The following ZNF385B variants were observed in gnomAD, a reference collection of about 807,000 sequenced individuals.
The protein encoded by ZNF385B is zinc finger protein 533.
A neutral mutation model predicts 39.2 loss-of-function variants in ZNF385B; 23 were observed. That is an observed-to-expected ratio of 0.59 (90% CI 0.42 to 0.83). The LOEUF is 0.83. Ranked by LOEUF, ZNF385B falls within the 40% of genes least tolerant of loss-of-function variation. The pLI is 0.00. For missense variants in ZNF385B, 552 were observed against 598.9 expected, an observed-to-expected ratio of 0.92 and a Z score of 0.82; for synonymous variants, 205 against 222.6, an observed-to-expected ratio of 0.92 and a Z score of 0.70.
At chr2:179,653,914 A>G (rs1244359538) in intron 3 of ZNF385B, among the ~76,000 whole-genome samples, 1 of 152,218 alleles carries the variant, frequency 6.6e-6, no homozygotes, top group Non-Finnish European at 1.5e-5. Context: ...ATGTTTCTCC[A>G]AATTATTTTG....
At chr2:179,731,999 G>A (rs910039064) in intron 3 of ZNF385B, among the ~76,000 whole-genome samples, 1 of 152,160 alleles carries the variant, frequency 6.6e-6, no homozygotes, top group Non-Finnish European at 1.5e-5. Flanking sequence ...TGTAAAGAAA[G>A]AATGCCTAGC....
rs764664744 is a variant in ZNF385B, at chr2:179,518,651, T to C, written c.442-13A>G. The C allele has an allele frequency of 1.3e-6, 2 of 1,520,386 alleles. No individual in the cohort carries two copies. Among genetic ancestry groups the C allele is most frequent in the Admixed American group, 2.2e-5 (1 of 46,276 alleles). The allele number at this position is 1,520,386 out of a possible 1,614,324, so 94.2% of individuals were successfully genotyped here. On this transcript the variant is annotated splice_polypyrimidine_tract_variant and intron_variant, in intron 4 of 9. Transcript: ENST00000410066. ...GCACAGGATCCATCTGAAGAACAAA[T>C]GAAAAAATAGTCAATTTGTAACTTC...
chr2:179,596,096 A>T (rs945041959), intron 3 of ZNF385B, among the ~76,000 whole-genome samples: 6 of 152,190 alleles, frequency 3.9e-5, no homozygotes, highest in African/African-American at 1.4e-4. Flanking sequence ...TTGCTGCATA[A>T]CAAATTACTC....
At chr2:179,449,421 A>G (rs553360742) in intron 6 of ZNF385B, among the ~76,000 whole-genome samples, 1 of 152,282 alleles carries the variant, frequency 6.6e-6, no homozygotes, top group South Asian at 2.1e-4. Flanking sequence ...TACAAAATCA[A>G]TGTGCAAAAA....
chr2:179,519,192 T>C (rs2058311241), intron 4 of ZNF385B, among the ~76,000 whole-genome samples: 2 of 152,220 alleles, frequency 1.3e-5, no homozygotes, highest in Non-Finnish European at 2.9e-5. Context: ...ATACTTAAGA[T>C]GGCCTCAAAT....
chr2:179,544,455 T>A (rs911873215), intron 4 of ZNF385B, among the ~76,000 whole-genome samples: 1 of 152,126 alleles, frequency 6.6e-6, no homozygotes, highest in Non-Finnish European at 1.5e-5. Flanking sequence ...AGTCATTTTT[T>A]TTTTTCTAAG....
intron 6 of ZNF385B, among the ~76,000 whole-genome samples, chr2:179,449,872 C>G (rs1265658556): frequency 6.6e-6 from 1 of 151,882 alleles, no homozygotes; most frequent in Non-Finnish European, 1.5e-5. Context: ...CTACAGTAAC[C>G]AAAACAGCAT....
intron 1 of ZNF385B, among the ~76,000 whole-genome samples, chr2:179,836,079 G>A (rs779702127): frequency 6.6e-6 from 1 of 152,190 alleles, no homozygotes; most frequent in Non-Finnish European, 1.5e-5. Flanking sequence ...AGGATATCAA[G>A]CTAGGTTAAA....
At chr2:179,749,787 G>A (rs946462485) in intron 3 of ZNF385B, among the ~76,000 whole-genome samples, 1 of 152,098 alleles carries the variant, frequency 6.6e-6, no homozygotes, top group African/African-American at 2.4e-5. Flanking sequence ...CACTTGCCAT[G>A]ATTGTCTAAG....
intron 1 of ZNF385B, among the ~76,000 whole-genome samples, chr2:179,805,341 C>T (rs1706284296): frequency 6.6e-6 from 1 of 152,080 alleles, no homozygotes; most frequent in Non-Finnish European, 1.5e-5. Flanking sequence ...ATCACATGCT[C>T]AATAGATTTT....
At position 179,795,567 on chromosome 2, in the gene ZNF385B, A is replaced by G. The variant is rs73973741; in HGVS notation, c.-154-24895T>C. On this transcript the variant is annotated intron_variant, in intron 1 of 9. Coordinates refer to ENST00000410066, the MANE Select transcript of ZNF385B (RefSeq NM_152520.6). Reference sequence around the variant, plus strand: ...ATAGCTTCTCCCTCATAAATTATAAATAATGTAAAGTCTAGATATATCTAA... The same window carrying G: ...ATAGCTTCTCCCTCATAAATTATAAGTAATGTAAAGTCTAGATATATCTAA... Among the ~76,000 whole-genome samples the G allele has an allele frequency of 2.1e-3, 324 of 152,328 alleles. 2 individuals are homozygous for G. Among genetic ancestry groups the G allele is most frequent in the African/African-American group, 7.5e-3 (311 of 41,582 alleles).
At chr2:179,801,623 T>C (rs1706040907) in intron 1 of ZNF385B, among the ~76,000 whole-genome samples, 1 of 152,164 alleles carries the variant, frequency 6.6e-6, no homozygotes, top group South Asian at 2.1e-4. Context: ...CCTAATTCAA[T>C]TTTGAACCTC....
chr2:179,771,061 A>G (rs1179677038), intron 1 of ZNF385B, among the ~76,000 whole-genome samples: 1 of 152,166 alleles, frequency 6.6e-6, no homozygotes, highest in Non-Finnish European at 1.5e-5. Flanking sequence ...GGAAAGGGGT[A>G]TGTGTGGGAA....
chr2:179,468,299 T>C (rs910080243), intron 6 of ZNF385B, among the ~76,000 whole-genome samples: 2 of 152,210 alleles, frequency 1.3e-5, no homozygotes, highest in East Asian at 1.9e-4. Flanking sequence ...AATGAACAGC[T>C]TTCTCTTATT....
chr2:179,625,637 T>A (rs1163532508), intron 3 of ZNF385B, among the ~76,000 whole-genome samples: 1 of 151,970 alleles, frequency 6.6e-6, no homozygotes, highest in Non-Finnish European at 1.5e-5. Flanking sequence ...GCTTGATGGG[T>A]GGAAAGATGC....
chr2:179,503,512 A>AT (rs573784808), intron 5 of ZNF385B, among the ~76,000 whole-genome samples: 25 of 152,334 alleles, frequency 1.6e-4, no homozygotes, highest in African/African-American at 5.5e-4. Context: ...CAAATTTTAT[A>AT]TTTTTGTATC....
At chr2:179,601,426 A>G (rs180755780) in intron 3 of ZNF385B, among the ~76,000 whole-genome samples, 61 of 152,334 alleles carry the variant, frequency 4.0e-4, no homozygotes, top group Admixed American at 1.2e-3. Flanking sequence ...ACAGCTATAG[A>G]GTAAACATTT....
chr2:179,559,102 C>T (rs2061149123), intron 3 of ZNF385B, among the ~76,000 whole-genome samples: 1 of 152,042 alleles, frequency 6.6e-6, no homozygotes, highest in African/African-American at 2.4e-5. Context: ...TATCTTACTC[C>T]CAAAATGATT....
chr2:179,666,457 G>C (rs1415710896), intron 3 of ZNF385B, among the ~76,000 whole-genome samples: 1 of 152,074 alleles, frequency 6.6e-6, no homozygotes, highest in East Asian at 1.9e-4. Flanking sequence ...AAAGATAAAG[G>C]ATTGCTTCAT....
Sources: gnomAD v4.1 joint callset for allele counts (sites outside exome capture counted in the v4.1 genomes callset) on GRCh38, gnomAD v4.1.1 for gene constraint, MANE v1.5 for transcripts, NCBI Gene and HGNC (gene_info 2026-07-23, HGNC 2026-07-21) for gene names.